The following SPINK5 variants were observed in gnomAD, a reference collection of about 807,000 sequenced individuals.
SPINK5 encodes the protein serine peptidase inhibitor Kazal type 5.
In SPINK5, 125 loss-of-function variants were observed where a neutral mutation model predicts 151.8. The observed-to-expected ratio is 0.82, with a 90% CI of 0.71 to 0.96. The LOEUF (loss-of-function observed/expected upper bound fraction) is 0.96. SPINK5 is among the 40% of genes least tolerant of loss of function. SPINK5 has a pLI of 0.00. For synonymous variants in SPINK5, 374 were observed against 395.3 expected (o/e 0.95, Z 0.64); for missense variants, 1,194 against 1,291.9 (o/e 0.92, Z 1.16).
chr5:148,096,752 CT>C lies in SPINK5; in HGVS notation c.882+858del, dbSNP rs775398655. On this transcript the variant is annotated intron_variant, in intron 10 of 32. Transcript: ENST00000256084. ...TTTCTTTTTCTTTTTCTTTTCTTTT[CT>C]TTTTTTTTTTAAGACAATTTCTTTC... Among the ~76,000 whole-genome samples the C allele has an allele frequency of 2.0e-3, 265 of 130,060 alleles. 1 individual carries two copies. The highest frequency in any genetic ancestry group is 3.4e-3 in the Non-Finnish European group (215 of 62,906). The allele number at this position is 130,060 out of a possible 152,430, so 85.3% of individuals were successfully genotyped here.
intron 9 of SPINK5, among the ~76,000 whole-genome samples, chr5:148,095,277 C>T (rs1753425070): frequency 6.6e-6 from 1 of 151,938 alleles, no homozygotes; most frequent in Non-Finnish European, 1.5e-5. Flanking sequence ...TCAAGAACTA[C>T]AAGAGGGCAG....
intron 2 of SPINK5, among the ~76,000 whole-genome samples, chr5:148,068,531 G>A (rs1468086737): frequency 1.6e-5 from 2 of 128,230 alleles, no homozygotes; most frequent in East Asian, 4.6e-4. Flanking sequence ...CAGCCTGGGC[G>A]ATGTAGTGAG....
At chr5:148,091,483 G>T (rs562427013) in intron 8 of SPINK5, among the ~76,000 whole-genome samples, 1 of 151,818 alleles carries the variant, frequency 6.6e-6, no homozygotes, top group South Asian at 2.1e-4. Context: ...GCCCCCAAAA[G>T]AAGATATAAG....
rs1754037800 is a variant in SPINK5, at chr5:148,114,609, T to C, written c.2015+120T>C. 7 of 1,421,230 alleles carry C rather than the reference T, an allele frequency of 4.9e-6. 1 individual carries two copies. In the Admixed American group the frequency reaches 1.3e-4, roughly 26 times the overall value. 88.0% of individuals were successfully genotyped at this position (1,421,230 alleles called of 1,614,324 possible). A position where few individuals can be genotyped will look rare whatever the true frequency, so the allele number is the denominator to read the frequency against. On this transcript the variant is annotated intron_variant, in intron 21 of 32. Transcript: ENST00000256084. ...CATGTAATAGAAACAGAAGGTTATC[T>C]GTAAAGCATTTGAAATAAATCTTTT... is the stretch of plus-strand genomic sequence containing the variant.
At chr5:148,064,553 T>C (rs575398189) in intron 1 of SPINK5, among the ~76,000 whole-genome samples, 30 of 152,334 alleles carry the variant, frequency 2.0e-4, no homozygotes, top group African/African-American at 7.0e-4. Context: ...TCTTCTAGCT[T>C]ATTTTAGTCT....
intron 8 of SPINK5, among the ~76,000 whole-genome samples, chr5:148,093,575 T>C (rs1461550555): frequency 6.6e-6 from 1 of 151,890 alleles, no homozygotes; most frequent in Admixed American, 6.6e-5. Context: ...TGTTTCTTTA[T>C]ACTTACAAAC....
intron 15 of SPINK5, among the ~76,000 whole-genome samples, chr5:148,103,344 G>GA (rs1408598305): frequency 2.0e-5 from 3 of 152,276 alleles, no homozygotes; most frequent in Middle Eastern, 3.4e-3. Flanking sequence ...GTCAGGACAG[G>GA]ATATGGGACT....
rs774346834 is a variant in SPINK5, at chr5:148,124,773, A to G, written c.2675A>G (p.Glu892Gly). The G allele has an allele frequency of 6.2e-7, 1 of 1,604,148 alleles. No homozygotes were observed. The highest frequency in any genetic ancestry group is 1.1e-5 in the South Asian group (1 of 89,428). The change falls in exon 28 of 33, where the codon GAA becomes GGA. Residue 892 changes from glutamate to glycine, a missense_variant. By Grantham distance (98) the Glu-to-Gly change is moderately conservative. Coordinates refer to ENST00000256084, the MANE Select transcript of SPINK5 (RefSeq NM_006846.4). ...CAMCQSIFDR[E>G]ANERKKKDEE... is the part of the protein sequence containing the mutation. ...TTTTAATTATTCTGCAGTGATCGAGAAGCTAATGAAAGAAAAAAGAAAGAT... is the reference window on the plus strand; with the variant it reads ...TTTTAATTATTCTGCAGTGATCGAGGAGCTAATGAAAGAAAAAAGAAAGAT...
intron 4 of SPINK5, among the ~76,000 whole-genome samples, chr5:148,076,266 A>T (rs1752878263): frequency 6.6e-6 from 1 of 151,708 alleles, no homozygotes; most frequent in Admixed American, 6.6e-5. Context: ...AACATAGGGG[A>T]AAAACATAGG....
rs1466817547 is a variant in SPINK5, at chr5:148,094,421, C to A, written c.734C>A (p.Pro245Gln). 6.2e-7 allele frequency: 1 copy of A among 1,612,776 alleles called. No homozygotes were observed. Among genetic ancestry groups the A allele is most frequent in the South Asian group, 1.1e-5 (1 of 91,066 alleles). The change falls in exon 9 of 33, where the codon CCA becomes CAA. Residue 245 changes from proline (P) to glutamine (Q), a missense_variant. Physicochemically the swap from Pro to Gln is moderately conservative, Grantham distance 76. Transcript: ENST00000256084. ...CTTTTTTGTACACGGGAGAGTGATC[C>A]AGTCCGTGGCCCTGACGGCAGGATG... ...GRLFCTRESD[P>Q]VRGPDGRMHG...
intron 30 of SPINK5, 45 bp from the exon 31 acceptor site, chr5:148,131,214 C>A: frequency 6.2e-7 from 1 of 1,612,248 alleles, no homozygotes; most frequent in South Asian, 1.1e-5. Flanking sequence ...CACCCCTCTT[C>A]TTGAATGCCA....
chr5:148,075,960 G>A (rs1002845120), intron 4 of SPINK5, among the ~76,000 whole-genome samples: 1 of 151,762 alleles, frequency 6.6e-6, no homozygotes, highest in Non-Finnish European at 1.5e-5. Flanking sequence ...GTCTGAGGTT[G>A]CAGTCATAAT....
chr5:148,102,515 CAAGT>C (rs1753674176), intron 15 of SPINK5, among the ~76,000 whole-genome samples: 1 of 151,904 alleles, frequency 6.6e-6, no homozygotes, highest in Non-Finnish European at 1.5e-5. Context: ...TATTATATGT[CAAGT>C]AAGAACACAA....
intron 4 of SPINK5, among the ~76,000 whole-genome samples, chr5:148,077,636 G>GATATATATATATATATATAT (rs1581056845): frequency 3.0e-5 from 2 of 66,346 alleles, no homozygotes; most frequent in African/African-American, 1.4e-4. Flanking sequence ...TGTTTTATCA[G>GATATATATATATATATATAT]GTATATATAT....
At chr5:148,119,127 A>G (rs780865093) in intron 24 of SPINK5, 69 bp downstream of exon 24, 28 of 1,451,192 alleles carry the variant, frequency 1.9e-5, no homozygotes, top group Non-Finnish European at 2.7e-5. Flanking sequence ...TCAAAACTAT[A>G]GAAGAAGGTG....
At chr5:148,108,884 T>C in intron 18 of SPINK5, 47 bp downstream of exon 18, 1 of 1,606,796 alleles carries the variant, frequency 6.2e-7, no homozygotes, top group African/African-American at 1.3e-5. Flanking sequence ...CAACGATCAC[T>C]CTCCCTAGGG....
intron 26 of SPINK5, among the ~76,000 whole-genome samples, chr5:148,121,851 C>A (rs1240482476): frequency 6.6e-6 from 1 of 151,520 alleles, no homozygotes; most frequent in Non-Finnish European, 1.5e-5. Flanking sequence ...ACCTGTAACT[C>A]TAGCTACTTG....
Position 148,094,451 on chromosome 5 carries a change from G to A in SPINK5, c.764G>A (p.Gly255Asp). The A allele has an allele frequency of 1.2e-6, 2 of 1,612,756 alleles. No homozygotes were observed. The highest frequency in any genetic ancestry group is 1.7e-6 in the Non-Finnish European group (2 of 1,179,098). ...PVRGPDGRMHGNKCALCAEIF... is the reference protein window; with the variant it reads ...PVRGPDGRMHDNKCALCAEIF... ...CGTGGCCCTGACGGCAGGATGCATGGCAACAAATGTGCCCTGTGTGCTGAA... is the reference window on the plus strand; with the variant it reads ...CGTGGCCCTGACGGCAGGATGCATGACAACAAATGTGCCCTGTGTGCTGAA... The change falls in exon 9 of 33, where the codon GGC (glycine) becomes GAC (aspartate). Residue 255 changes from glycine to aspartate, a missense_variant. Gly to Asp is a moderately conservative substitution (Grantham distance 94). Transcript: ENST00000256084.
chr5:148,076,786 A>G (rs578258112), intron 4 of SPINK5, among the ~76,000 whole-genome samples: 9 of 151,818 alleles, frequency 5.9e-5, no homozygotes, highest in South Asian at 2.1e-4. Flanking sequence ...AAAAGACCCA[A>G]TGAAAATTCT....
Sources: allele counts gnomAD v4.1 joint callset (sites outside exome capture counted in the v4.1 genomes callset), GRCh38; gene constraint gnomAD v4.1.1; transcripts MANE v1.5; gene names NCBI Gene and HGNC (gene_info 2026-07-23, HGNC 2026-07-21).